The following TOPAZ1 variants were observed in gnomAD, a reference collection of about 807,000 sequenced individuals.
The protein encoded by TOPAZ1 is testis and ovary specific TOPAZ 1.
Under a neutral mutation model 172.2 loss-of-function variants are expected in TOPAZ1, and 66 were observed. The observed-to-expected ratio is 0.38, with a 90% CI of 0.31 to 0.47. The LOEUF (loss-of-function observed/expected upper bound fraction) is 0.47. TOPAZ1 is among the 20% of genes least tolerant of loss of function. The pLI, the probability that TOPAZ1 is intolerant of heterozygous loss-of-function variation, is 0.99. For synonymous variants in TOPAZ1, 681 were observed against 683.9 expected (o/e 1.00, Z 0.07); for missense variants, 1,822 against 1,972.4 (o/e 0.92, Z 1.44).
Position 44,262,433 on chromosome 3 carries a change from CA to C in TOPAZ1, c.2973del (p.Val992Ter). ...TCTCTTCACAGCATAGATTTACAGA[CA>C]AAGTGATTACCAAAGAAGAAAAAGA... ...DLDEKHRFTD[K>X]VITKEEKENI... On this transcript the variant is annotated frameshift_variant, in exon 5 of 20. Coordinates refer to ENST00000309765, the MANE Select transcript of TOPAZ1 (RefSeq NM_001145030.2). LOFTEE classifies it high-confidence loss of function. 1 of 1,488,012 alleles carries C rather than the reference CA, an allele frequency of 6.7e-7. No individual in the cohort carries two copies. The highest frequency in any genetic ancestry group is 9.1e-7 in the Non-Finnish European group (1 of 1,094,142). 92.2% of individuals were successfully genotyped at this position (1,488,012 alleles called of 1,614,324 possible).
downstream of TOPAZ1, among the ~76,000 whole-genome samples, chr3:44,332,416 C>T (rs1016999153): frequency 3.3e-5 from 5 of 152,070 alleles, no homozygotes; most frequent in Non-Finnish European, 7.4e-5. Flanking sequence ...TGTACTACAT[C>T]TGTAATCGAG....
chr3:44,242,614 A>C (rs572205530), intron 1 of TOPAZ1, among the ~76,000 whole-genome samples: 2 of 152,322 alleles, frequency 1.3e-5, no homozygotes, highest in East Asian at 1.9e-4. Flanking sequence ...CTTGTGGTCC[A>C]TTTTGGCTAG....
chr3:44,311,487 T>C (rs1700397308), intron 16 of TOPAZ1, among the ~76,000 whole-genome samples: 1 of 152,212 alleles, frequency 6.6e-6, no homozygotes, highest in South Asian at 2.1e-4. Context: ...TTTCTCAAAC[T>C]AGAAACTGGG....
At chr3:44,279,659 G>T (rs544835841) in intron 8 of TOPAZ1, among the ~76,000 whole-genome samples, 1 of 151,990 alleles carries the variant, frequency 6.6e-6, no homozygotes, top group Non-Finnish European at 1.5e-5. Context: ...TGTTTGCATG[G>T]AATATCTTTT....
rs898146682 is a variant in TOPAZ1 at position 44,328,796 on chromosome 3, G to A, written c.4859+363G>A. On this transcript the variant is annotated intron_variant, in intron 19 of 19. Coordinates refer to ENST00000309765, the MANE Select transcript of TOPAZ1 (RefSeq NM_001145030.2). ...TCAACTCAAAAGATCAAAGGACTAG[G>A]GTCTAAAAGGGAAATACGTGATCAG... 2.0e-5 allele frequency among the ~76,000 whole-genome samples: 3 copies of A among 151,920 alleles called. No homozygotes were observed. The East Asian group carries it at 5.8e-4, about 29-fold the overall frequency.
chr3:44,255,051 A>G (rs1699681271), intron 3 of TOPAZ1, 22 bp downstream of exon 3: 26 of 1,532,228 alleles, frequency 1.7e-5, no homozygotes, highest in South Asian at 3.6e-5. Context: ...CATTTTCAGA[A>G]TATGCAATAT....
intron 16 of TOPAZ1, among the ~76,000 whole-genome samples, chr3:44,317,155 T>C (rs763791844): frequency 6.6e-6 from 1 of 152,248 alleles, no homozygotes; most frequent in Non-Finnish European, 1.5e-5. Flanking sequence ...GCTTGGTGGC[T>C]CACGCCTGTA....
At chr3:44,277,618 T>A (rs1699974808) in intron 8 of TOPAZ1, among the ~76,000 whole-genome samples, 1 of 152,174 alleles carries the variant, frequency 6.6e-6, no homozygotes, top group Non-Finnish European at 1.5e-5. Flanking sequence ...AGAGTTTGGA[T>A]ATTTGTCCCT....
chr3:44,251,194 C>A (rs1699626254), intron 2 of TOPAZ1, among the ~76,000 whole-genome samples: 1 of 151,932 alleles, frequency 6.6e-6, no homozygotes, highest in East Asian at 1.9e-4. Context: ...CATCATGGCT[C>A]ACTGCAGCCT....
rs145400634 is a variant in TOPAZ1, at chr3:44,322,039, G to C, written c.4471+848G>C. ...CTGTGTATAAAAAGGGATCACTAGAGTTTTGGGTCTAGGGAGTGATATAAT... is the reference window on the plus strand; with the variant it reads ...CTGTGTATAAAAAGGGATCACTAGACTTTTGGGTCTAGGGAGTGATATAAT... On this transcript the variant is annotated intron_variant, in intron 17 of 19. Transcript: ENST00000309765. Among the ~76,000 whole-genome samples the C allele has an allele frequency of 2.1e-3, 325 of 152,278 alleles. 4 individuals carry two copies. The East Asian group carries it at 0.025, about 12-fold the overall frequency.
Position 44,245,204 on chromosome 3 carries a change from G to A in TOPAZ1, c.2698G>A (p.Glu900Lys). The A allele has an allele frequency of 6.4e-7, 1 of 1,551,536 alleles. No individual in the cohort carries two copies. Residue 900 changes from glutamate (E) to lysine (K), a missense_variant, in exon 2 of 20, where the codon GAG (glutamate) becomes AAG (lysine). This residue lies in a region of TOPAZ1 where 1,489 missense variants were observed against 1,490.8 expected (regional missense o/e 1.00). Coordinates refer to ENST00000309765, the MANE Select transcript of TOPAZ1 (RefSeq NM_001145030.2). ...KISQEPNVAGEHQSTDSKYME... is the reference protein window; with the variant it reads ...KISQEPNVAGKHQSTDSKYME... ...AAGCCAGGAGCCCAATGTTGCTGGAGAGCACCAATCAACAGACTCCAAGTA... is the reference window on the plus strand; with the variant it reads ...AAGCCAGGAGCCCAATGTTGCTGGAAAGCACCAATCAACAGACTCCAAGTA...
chr3:44,258,985 A>G (rs1182712945), intron 4 of TOPAZ1, among the ~76,000 whole-genome samples: 1 of 152,176 alleles, frequency 6.6e-6, no homozygotes, highest in Non-Finnish European at 1.5e-5. Flanking sequence ...CACGTTACAT[A>G]CATATAGTTC....
intron 16 of TOPAZ1, among the ~76,000 whole-genome samples, chr3:44,313,583 C>T (rs1468970215): frequency 1.3e-5 from 2 of 149,352 alleles, no homozygotes; most frequent in Non-Finnish European, 3.0e-5. Context: ...CGCCACTGCA[C>T]TCCAGCCTGG....
At chr3:44,276,667 G>C (rs534813774) in intron 8 of TOPAZ1, among the ~76,000 whole-genome samples, 43 of 70,482 alleles carry the variant, frequency 6.1e-4, no homozygotes, top group African/African-American at 2.5e-3. Flanking sequence ...GAATTGCTTG[G>C]CCTATTCTGG....
rs1294190103 is a variant in TOPAZ1 at position 44,243,876 on chromosome 3, C to G, written c.1370C>G (p.Pro457Arg). ...ATGAAAAGCTTCATAGGGAAATCAC[C>G]TAATGAGTACCATATTGAAAGGAGA... is the stretch of plus-strand genomic sequence containing the variant. ...KSMKSFIGKS[P>R]NEYHIERRSS... Residue 457 changes from proline to arginine, a missense_variant, in exon 2 of 20, where the codon CCT becomes CGT. By Grantham distance (103) the Pro-to-Arg change is moderately radical (BLOSUM62 -2). Coordinates refer to ENST00000309765, the MANE Select transcript of TOPAZ1 (RefSeq NM_001145030.2). The G allele has an allele frequency of 7.7e-6, 12 of 1,551,528 alleles. No homozygotes were observed. The South Asian group carries it at 1.4e-4, about 18-fold the overall frequency.
chr3:44,318,205 T>C (rs1029678479), intron 16 of TOPAZ1, among the ~76,000 whole-genome samples: 2 of 152,122 alleles, frequency 1.3e-5, no homozygotes, highest in Non-Finnish European at 2.9e-5. Context: ...CCCAGCACTT[T>C]GGGAGGCCGA....
chr3:44,268,133 C>T (rs1187295979), intron 6 of TOPAZ1, among the ~76,000 whole-genome samples: 4 of 151,960 alleles, frequency 2.6e-5, no homozygotes, highest in African/African-American at 9.7e-5. Flanking sequence ...GATATGATGC[C>T]TGGTGTATTA....
intron 2 of TOPAZ1, among the ~76,000 whole-genome samples, chr3:44,254,643 AAAAAAG>A (rs1699674468): frequency 2.0e-5 from 3 of 151,964 alleles, no homozygotes; most frequent in Admixed American, 2.0e-4. Flanking sequence ...AAAAAAAAAA[AAAAAAG>A]AGTAGAAGTT....
intron 8 of TOPAZ1, among the ~76,000 whole-genome samples, chr3:44,274,334 G>A (rs939174187): frequency 2.2e-4 from 34 of 151,342 alleles, no homozygotes; most frequent in African/African-American, 7.8e-4. Flanking sequence ...CCAGGAGGTG[G>A]AGGTTGCAGT....
Sources: gnomAD v4.1 joint callset for allele counts (sites outside exome capture counted in the v4.1 genomes callset) on GRCh38, gnomAD v4.1.1 for gene constraint, gnomAD v4.1.1 regional missense constraint, MANE v1.5 for transcripts, NCBI Gene and HGNC (gene_info 2026-07-23, HGNC 2026-07-21) for gene names.